Variants in FILIP1L observed in about 807,000 individuals in gnomAD.
The protein encoded by FILIP1L is filamin A interacting protein 1 like.
A neutral mutation model predicts 96.6 loss-of-function variants in FILIP1L; 55 were observed. That is an observed-to-expected ratio of 0.57 (90% confidence interval 0.46 to 0.71). FILIP1L has a LOEUF of 0.71. Ranked by LOEUF, FILIP1L falls within the 30% of genes least tolerant of loss-of-function variation. FILIP1L has a pLI of 0.00. For synonymous variants in FILIP1L, 467 were observed against 473.9 expected (o/e 0.99, Z 0.19); for missense variants, 1,304 against 1,321.2 (o/e 0.99, Z 0.20).
intron 1 of FILIP1L, among the ~76,000 whole-genome samples, chr3:100,111,694 A>G (rs1196718548): frequency 2.6e-5 from 4 of 152,080 alleles, no homozygotes; most frequent in African/African-American, 9.7e-5. Flanking sequence ...CTATAATACA[A>G]ATTTTCTTCT....
At chr3:99,983,432 G>A (rs369974347) in intron 1 of FILIP1L, among the ~76,000 whole-genome samples, 748 of 33,000 alleles carry the variant, frequency 0.023, 25 homozygotes, top group African/African-American at 0.07. Context: ...ATGTATGTAT[G>A]TATATATATG....
chr3:99,855,111 C>T (rs1332714202), intron 4 of FILIP1L, among the ~76,000 whole-genome samples: 1 of 152,168 alleles, frequency 6.6e-6, no homozygotes, highest in African/African-American at 2.4e-5. Context: ...AATATTAACT[C>T]TGCCAATTGT....
At chr3:100,090,536 G>A (rs2066085833) in intron 1 of FILIP1L, among the ~76,000 whole-genome samples, 1 of 152,208 alleles carries the variant, frequency 6.6e-6, no homozygotes, top group Non-Finnish European at 1.5e-5. Flanking sequence ...GGCCCTCCCA[G>A]TGGTAGGTTA....
At chr3:99,872,320 T>TGTGTGTGA (rs1431686347) in intron 4 of FILIP1L, among the ~76,000 whole-genome samples, 1 of 143,158 alleles carries the variant, frequency 7.0e-6, no homozygotes, top group Admixed American at 7.0e-5. Context: ...TGTGTGTGTG[T>TGTGTGTGA]GTGACTGTGG....
chr3:99,878,423 G>A (rs1445311842), intron 4 of FILIP1L, among the ~76,000 whole-genome samples: 1 of 152,092 alleles, frequency 6.6e-6, no homozygotes, highest in Non-Finnish European at 1.5e-5. Flanking sequence ...AATGATACAG[G>A]GATTTAAAGC....
intron 1 of FILIP1L, among the ~76,000 whole-genome samples, chr3:100,046,120 T>C (rs1054558234): frequency 2.0e-5 from 3 of 152,202 alleles, no homozygotes; most frequent in South Asian, 2.1e-4. Context: ...CCCCAAGGCT[T>C]CACAGCTAAA....
intron 1 of FILIP1L, among the ~76,000 whole-genome samples, chr3:99,979,933 A>AT (rs1709072700): frequency 6.6e-6 from 1 of 152,166 alleles, no homozygotes; most frequent in Non-Finnish European, 1.5e-5. Flanking sequence ...AGGAGAACTA[A>AT]TTTGTGGTTA....
At chr3:100,096,542 TTGTAGG>T (rs2066212321) in intron 1 of FILIP1L, among the ~76,000 whole-genome samples, 1 of 152,078 alleles carries the variant, frequency 6.6e-6, no homozygotes, top group Non-Finnish European at 1.5e-5. Flanking sequence ...TCTGACTTAT[TTGTAGG>T]ATGTAGAAAT....
chr3:100,017,908 C>T (rs1710391972), intron 1 of FILIP1L, among the ~76,000 whole-genome samples: 3 of 152,160 alleles, frequency 2.0e-5, no homozygotes, highest in Admixed American at 2.0e-4. Context: ...GGATCTGTAG[C>T]TTGCAAATTG....
At chr3:99,993,720 GTA>G (rs1229972472) in intron 1 of FILIP1L, among the ~76,000 whole-genome samples, 3 of 152,078 alleles carry the variant, frequency 2.0e-5, no homozygotes, top group Non-Finnish European at 4.4e-5. Context: ...CTTTTTCTGT[GTA>G]TATTGAGATA....
intron 1 of FILIP1L, among the ~76,000 whole-genome samples, chr3:100,074,058 G>A (rs991609479): frequency 1.3e-5 from 2 of 152,088 alleles, no homozygotes; most frequent in African/African-American, 4.8e-5. Context: ...AAAGGTTTGT[G>A]GGGGCCTTTT....
At chr3:99,925,870 G>C in intron 3 of FILIP1L, 1 of 985,436 alleles carries the variant, frequency 1.0e-6, no homozygotes, top group South Asian at 4.7e-5. Context: ...TGGTTTATCA[G>C]CTCCTGGCCT....
chr3:100,074,705 T>G (rs1409233680), intron 1 of FILIP1L, among the ~76,000 whole-genome samples: 1 of 99,160 alleles, frequency 1.0e-5, no homozygotes. Flanking sequence ...TTTTTTTTTT[T>G]TTTTTTGAGA....
At chr3:100,051,211 C>T (rs891568431) in intron 1 of FILIP1L, 14 of 151,724 alleles carry the variant, frequency 9.2e-5, no homozygotes, top group African/African-American at 2.7e-4. Flanking sequence ...TTATTTTTTC[C>T]GATATTCTGT....
chr3:99,830,566 G>A lies in FILIP1L; in HGVS notation c.3421C>T (p.Pro1141Ser), dbSNP rs1285571363. ...VCKQRIPARI[P>S]KPKSTGITKI... Reference sequence around the variant, plus strand: ...GTGATGCCTGTAGATTTCGGTTTAGGGATCCGTGCTGGGATTCTCTGCTTG... The same window carrying A: ...GTGATGCCTGTAGATTTCGGTTTAGAGATCCGTGCTGGGATTCTCTGCTTG... Residue 1141 changes from proline to serine, a missense_variant, in exon 6 of 6, where the codon CCT becomes TCT. Physicochemically the swap from Pro to Ser is moderately conservative, Grantham distance 74 (BLOSUM62 -1). Transcript: ENST00000477258. 4.4e-6 allele frequency: 2 copies of A among 456,652 alleles called. No individual in the cohort carries two copies. Among genetic ancestry groups the A allele is most frequent in the Non-Finnish European group, 8.8e-6 (2 of 226,962 alleles). The allele number at this position is 456,652 out of a possible 1,614,324, so 28.3% of individuals were successfully genotyped here.
intron 1 of FILIP1L, among the ~76,000 whole-genome samples, chr3:100,104,837 C>T (rs1029599933): frequency 1.3e-5 from 2 of 152,164 alleles, no homozygotes; most frequent in Non-Finnish European, 2.9e-5. Context: ...TGAGAATCAC[C>T]ATTTACAGCT....
At chr3:99,853,234 T>C (rs116119260) in intron 4 of FILIP1L, among the ~76,000 whole-genome samples, 395 of 152,358 alleles carry the variant, frequency 2.6e-3, no homozygotes, top group African/African-American at 8.4e-3. Context: ...TTCTCCTGCC[T>C]TAGCATTAGA....
At chr3:100,044,663 G>T (rs2065252427) in intron 1 of FILIP1L, among the ~76,000 whole-genome samples, 1 of 152,192 alleles carries the variant, frequency 6.6e-6, no homozygotes, top group Non-Finnish European at 1.5e-5. Flanking sequence ...TCTTTTCTAA[G>T]AGCAATGAGT....
rs1944669503 is a variant in FILIP1L at position 99,869,272 on chromosome 3, G to A, written c.606-18202C>T. On this transcript the variant is annotated intron_variant, in intron 4 of 5. Coordinates refer to ENST00000477258, the MANE Select transcript of FILIP1L (RefSeq NM_001387850.1). ...ACTTTGCCTGTGATTCTTTGCATCT[G>A]TGTTCAGCCTAATGAATTTTATTGA... 5.3e-5 allele frequency among the ~76,000 whole-genome samples: 8 copies of A among 152,148 alleles called. No homozygotes were observed. In the South Asian group the frequency reaches 1.7e-3, roughly 31 times the overall value.
Sources: gnomAD v4.1 joint callset for allele counts (sites outside exome capture counted in the v4.1 genomes callset) on GRCh38, gnomAD v4.1.1 for gene constraint, MANE v1.5 for transcripts, NCBI Gene and HGNC (gene_info 2026-07-23, HGNC 2026-07-21) for gene names.